MARCHF11: variants seen among roughly 807,000 people sequenced by gnomAD.
MARCHF11 encodes membrane associated ring-CH-type finger 11.
In MARCHF11, 29 loss-of-function variants were observed where a neutral mutation model predicts 37.3. That is an observed-to-expected ratio of 0.78 (90% CI 0.58 to 1.06). The LOEUF (loss-of-function observed/expected upper bound fraction) is 1.06. MARCHF11 is among the 50% of genes least tolerant of loss of function. The pLI, the probability that MARCHF11 is intolerant of heterozygous loss-of-function variation, is 0.00. For missense variants in MARCHF11, 482 were observed against 533.4 expected (o/e 0.90, Z 0.95); for synonymous variants, 233 against 228.0 (o/e 1.02, Z -0.20).
intron 2 of MARCHF11, among the ~76,000 whole-genome samples, chr5:16,145,140 T>C (rs533733198): frequency 7.9e-5 from 12 of 152,236 alleles, no homozygotes; most frequent in African/African-American, 1.4e-4. Flanking sequence ...AAGCAGATTA[T>C]GGAAAGAGGT....
At chr5:16,167,045 T>G (rs567621006) in intron 2 of MARCHF11, among the ~76,000 whole-genome samples, 74 of 146,102 alleles carry the variant, frequency 5.1e-4, no homozygotes, top group Non-Finnish European at 8.9e-4. Context: ...TGTCCCAACA[T>G]TACCCCATTG....
At chr5:16,163,114 G>A (rs1187617954) in intron 2 of MARCHF11, among the ~76,000 whole-genome samples, 1 of 151,968 alleles carries the variant, frequency 6.6e-6, no homozygotes, top group Non-Finnish European at 1.5e-5. Flanking sequence ...AGTTACAAAA[G>A]CTAATTGTGT....
chr5:16,079,276 C>A (rs1736568549), intron 3 of MARCHF11, among the ~76,000 whole-genome samples: 1 of 152,184 alleles, frequency 6.6e-6, no homozygotes, highest in Non-Finnish European at 1.5e-5. Flanking sequence ...TCCCACTCAC[C>A]CACCTTCTTA....
chr5:16,146,464 A>T lies in MARCHF11; in HGVS notation c.693+31262T>A, dbSNP rs538423240. Among the ~76,000 whole-genome samples, 10 of 152,262 alleles carry T rather than the reference A, an allele frequency of 6.6e-5. No individual in the cohort carries two copies. In the South Asian group the frequency reaches 1.2e-3, roughly 19 times the overall value. On this transcript the variant is annotated intron_variant, in intron 2 of 3. Coordinates refer to ENST00000332432, the MANE Select transcript of MARCHF11 (RefSeq NM_001102562.3). ...TCATGTTGAGGATGATCTCAACTCA[A>T]AAGTGTAGAGTTCTCTCTGATTCAT...
intron 2 of MARCHF11, among the ~76,000 whole-genome samples, chr5:16,154,113 C>T (rs1255474581): frequency 1.3e-5 from 2 of 151,942 alleles, no homozygotes; most frequent in African/African-American, 2.4e-5. Flanking sequence ...CTGACCTTTT[C>T]TGAGCTTCAG....
At chr5:16,171,081 G>A (rs1298035336) in intron 2 of MARCHF11, among the ~76,000 whole-genome samples, 2 of 152,036 alleles carry the variant, frequency 1.3e-5, no homozygotes, top group Non-Finnish European at 2.9e-5. Flanking sequence ...ATACGGAAAA[G>A]TTAATAGCAT....
intron 2 of MARCHF11, among the ~76,000 whole-genome samples, chr5:16,162,203 AT>A (rs1451109899): frequency 6.6e-6 from 1 of 151,934 alleles, no homozygotes; most frequent in Non-Finnish European, 1.5e-5. Flanking sequence ...CATTTTCACT[AT>A]TCTTTTTCTC....
rs956760832 is a variant in MARCHF11, at chr5:16,173,754, G to A, written c.693+3972C>T. On this transcript the variant is annotated intron_variant, in intron 2 of 3. Transcript: ENST00000332432. ...CAAGTGAAGGTCCCATCCCTTAGCT[G>A]ACTTAACAGATCATAATATCCAGAG... 1.1e-4 allele frequency among the ~76,000 whole-genome samples: 16 copies of A among 152,294 alleles called. No homozygotes were observed. In the East Asian group the frequency reaches 2.1e-3, roughly 20 times the overall value.
intron 2 of MARCHF11, among the ~76,000 whole-genome samples, chr5:16,120,072 G>A (rs541008617): frequency 3.9e-5 from 6 of 152,204 alleles, no homozygotes; most frequent in African/African-American, 1.4e-4. Flanking sequence ...AGCCAGAGGG[G>A]TCTCCTAAAG....
At chr5:16,148,488 G>C (rs1737841724) in intron 2 of MARCHF11, among the ~76,000 whole-genome samples, 1 of 152,088 alleles carries the variant, frequency 6.6e-6, no homozygotes, top group Non-Finnish European at 1.5e-5. Flanking sequence ...ACAAAAGCAA[G>C]TGCAGAATGG....
At chr5:16,124,585 T>C (rs1267860465) in intron 2 of MARCHF11, among the ~76,000 whole-genome samples, 1 of 152,114 alleles carries the variant, frequency 6.6e-6, no homozygotes, top group East Asian at 1.9e-4. Flanking sequence ...CAATGAAGTT[T>C]CTACATGGGT....
chr5:16,140,322 T>C (rs538442508), intron 2 of MARCHF11, among the ~76,000 whole-genome samples: 1 of 152,234 alleles, frequency 6.6e-6, no homozygotes, highest in African/African-American at 2.4e-5. Flanking sequence ...AAAGTCAGAA[T>C]ATAGAAACAA....
intron 2 of MARCHF11, among the ~76,000 whole-genome samples, chr5:16,148,227 A>C (rs979203260): frequency 6.6e-6 from 1 of 152,150 alleles, no homozygotes; most frequent in African/African-American, 2.4e-5. Context: ...TTTATGTTAA[A>C]AGAAAACCAG....
In MARCHF11 at chr5:16,068,384, G is replaced by A. The variant is rs558804450; in HGVS notation, c.887-591C>T. Among the ~76,000 whole-genome samples, 59 of 152,236 alleles carry A rather than the reference G, an allele frequency of 3.9e-4. 1 individual carries two copies. Among genetic ancestry groups the A allele is most frequent in the African/African-American group, 1.3e-3 (53 of 41,550 alleles). ...AATATTATCCCATGTAGTACTCATC[G>A]TAGTCTTATAAATTTAAGTACTAGC... On this transcript the variant is annotated intron_variant, in intron 3 of 3. Coordinates refer to ENST00000332432, the MANE Select transcript of MARCHF11 (RefSeq NM_001102562.3).
chr5:16,160,801 G>A (rs910841623), intron 2 of MARCHF11, among the ~76,000 whole-genome samples: 1 of 151,668 alleles, frequency 6.6e-6, no homozygotes, highest in South Asian at 2.1e-4. Context: ...AACCTGGGTC[G>A]AATTTATTTT....
intron 2 of MARCHF11, among the ~76,000 whole-genome samples, chr5:16,097,395 C>G (rs1177546951): frequency 6.6e-6 from 1 of 152,020 alleles, no homozygotes; most frequent in Non-Finnish European, 1.5e-5. Flanking sequence ...AAAGATTAGA[C>G]AAAAGGAATT....
intron 2 of MARCHF11, among the ~76,000 whole-genome samples, chr5:16,120,770 G>C (rs1465296953): frequency 6.6e-6 from 1 of 152,172 alleles, no homozygotes. Flanking sequence ...ATGTCAACAA[G>C]CATGAAATAA....
intron 2 of MARCHF11, among the ~76,000 whole-genome samples, chr5:16,150,630 G>C (rs1311155830): frequency 4.4e-5 from 6 of 136,886 alleles, no homozygotes; most frequent in Non-Finnish European, 7.4e-5. Context: ...CCTATAGCTA[G>C]CTCATCCTCT....
Position 16,067,498 on chromosome 5 carries a change from C to T in MARCHF11, c.1182G>A (p.Glu394=). The change falls in exon 4 of 4, where the codon GAG becomes GAA. Residue 394 remains glutamate, a synonymous_variant. Coordinates refer to ENST00000332432, the MANE Select transcript of MARCHF11 (RefSeq NM_001102562.3). ...ACACTGAAGTCACTCTCATCACAAC[C>T]TCCCCCGAGCTGTTATCTTCTGATA... ...EDLSEDNSSG[E]VVMRVTSV is the part of the protein sequence containing the mutation. 6.2e-7 allele frequency: 1 copy of T among 1,613,654 alleles called. No individual in the cohort carries two copies. The highest frequency in any genetic ancestry group is 2.2e-5 in the East Asian group (1 of 44,870).
Sources: gnomAD v4.1 joint callset for allele counts (sites outside exome capture counted in the v4.1 genomes callset) on GRCh38, gnomAD v4.1.1 for gene constraint, MANE v1.5 for transcripts, NCBI Gene and HGNC (gene_info 2026-07-23, HGNC 2026-07-21) for gene names.